Variants in CPA6 observed in about 807,000 individuals in gnomAD.
CPA6 encodes carboxypeptidase B.
A neutral mutation model predicts 63.3 loss-of-function variants in CPA6; 58 were observed. That is an observed-to-expected ratio of 0.92 (90% CI 0.74 to 1.14). The LOEUF (loss-of-function observed/expected upper bound fraction) is 1.14, where lower values mean the gene tolerates loss of function less well. Among genes scored for constraint, CPA6 ranks in the 50% most tolerant of loss-of-function variants. CPA6 has a pLI of 0.00. For synonymous variants in CPA6, 185 were observed against 179.0 expected, an observed-to-expected ratio of 1.03 and a Z score of -0.27; for missense variants, 565 against 526.6, an observed-to-expected ratio of 1.07 and a Z score of -0.71.
chr8:67,704,298 A>G (rs936361386), intron 1 of CPA6, among the ~76,000 whole-genome samples: 4 of 152,208 alleles, frequency 2.6e-5, no homozygotes, highest in East Asian at 3.8e-4. Flanking sequence ...AATACGCGTC[A>G]AGACCTTCAA....
chr8:67,722,137 T>G (rs1196256326), intron 1 of CPA6, among the ~76,000 whole-genome samples: 1 of 152,254 alleles, frequency 6.6e-6, no homozygotes, highest in East Asian at 1.9e-4. Context: ...TGCCTGATTT[T>G]GGAATCATTC....
chr8:67,447,860 C>T (rs1349979464), intron 8 of CPA6, among the ~76,000 whole-genome samples: 1 of 152,192 alleles, frequency 6.6e-6, no homozygotes, highest in Non-Finnish European at 1.5e-5. Flanking sequence ...TCTCAGCTCA[C>T]TGCAACCACT....
At chr8:67,466,578 T>C (rs1010806454) in intron 8 of CPA6, among the ~76,000 whole-genome samples, 3 of 152,194 alleles carry the variant, frequency 2.0e-5, no homozygotes, top group African/African-American at 7.2e-5. Flanking sequence ...CTTTCTAACT[T>C]TTTAAGGTAG....
chr8:67,491,255 T>G (rs1324254065), intron 6 of CPA6, among the ~76,000 whole-genome samples: 2 of 150,264 alleles, frequency 1.3e-5, no homozygotes, highest in African/African-American at 4.9e-5. Flanking sequence ...AAGGGGAGCT[T>G]AATCTATAAA....
intron 1 of CPA6, among the ~76,000 whole-genome samples, chr8:67,711,175 G>A (rs539654752): frequency 6.6e-6 from 1 of 152,314 alleles, no homozygotes; most frequent in South Asian, 2.1e-4. Flanking sequence ...AGAGAGTTCA[G>A]TTAAGCACAA....
At chr8:67,582,722 A>G (rs1384343734) in intron 2 of CPA6, among the ~76,000 whole-genome samples, 1 of 132,980 alleles carries the variant, frequency 7.5e-6, no homozygotes, top group Non-Finnish European at 1.5e-5. Context: ...ATTATAGTTG[A>G]AATACAATGA....
chr8:67,468,483 G>A (rs1480143062), intron 8 of CPA6, among the ~76,000 whole-genome samples: 1 of 151,920 alleles, frequency 6.6e-6, no homozygotes, highest in African/African-American at 2.4e-5. Flanking sequence ...CTACTCGGGA[G>A]GCTGAGGCAG....
intron 1 of CPA6, among the ~76,000 whole-genome samples, chr8:67,721,713 C>A (rs1041901009): frequency 3.3e-5 from 5 of 151,732 alleles, no homozygotes; most frequent in South Asian, 2.1e-4. Flanking sequence ...GGGAAAAAAA[C>A]CCCAGAAATT....
intron 2 of CPA6, among the ~76,000 whole-genome samples, chr8:67,570,869 T>C (rs184279424): frequency 4.3e-4 from 66 of 152,294 alleles, no homozygotes; most frequent in East Asian, 1.9e-3. Context: ...TGAATGTACA[T>C]GTATTAAATT....
intron 1 of CPA6, among the ~76,000 whole-genome samples, chr8:67,687,280 T>C (rs1249716541): frequency 1.3e-5 from 2 of 152,180 alleles, no homozygotes; most frequent in Non-Finnish European, 2.9e-5. Flanking sequence ...ACCAGGATGG[T>C]TGGTCTCCCT....
chr8:67,507,637 C>T (rs1345428747), intron 5 of CPA6, among the ~76,000 whole-genome samples: 4 of 152,084 alleles, frequency 2.6e-5, no homozygotes. Flanking sequence ...GAGATTCAAA[C>T]ATGAAAATAC....
chr8:67,632,055 C>G (rs1284269546), intron 1 of CPA6, among the ~76,000 whole-genome samples: 1 of 152,150 alleles, frequency 6.6e-6, no homozygotes, highest in Non-Finnish European at 1.5e-5. Flanking sequence ...CCCACCAATT[C>G]TGGACACATT....
At chr8:67,736,730 T>G (rs1270054949) in intron 1 of CPA6, among the ~76,000 whole-genome samples, 2 of 152,204 alleles carry the variant, frequency 1.3e-5, no homozygotes, top group Non-Finnish European at 2.9e-5. Flanking sequence ...ATCTATTTCA[T>G]AGCCTAGAGG....
intron 1 of CPA6, among the ~76,000 whole-genome samples, chr8:67,651,925 A>G (rs1285746687): frequency 1.4e-5 from 2 of 148,032 alleles, no homozygotes; most frequent in South Asian, 2.2e-4. Flanking sequence ...CTGGAGTGTG[A>G]TGTTCCCCTA....
intron 2 of CPA6, among the ~76,000 whole-genome samples, chr8:67,597,591 G>A (rs1303720112): frequency 1.3e-5 from 2 of 152,008 alleles, no homozygotes; most frequent in Non-Finnish European, 2.9e-5. Flanking sequence ...CACCATTTCT[G>A]TCTTTAGCTG....
At chr8:67,716,984 C>A (rs1817396361) in intron 1 of CPA6, among the ~76,000 whole-genome samples, 1 of 151,996 alleles carries the variant, frequency 6.6e-6, no homozygotes, top group African/African-American at 2.4e-5. Context: ...ATGTTTGTTT[C>A]TATGTAGTAG....
chr8:67,509,254 T>C (rs1186571894), intron 5 of CPA6, among the ~76,000 whole-genome samples: 1 of 152,194 alleles, frequency 6.6e-6, no homozygotes. Flanking sequence ...TAGTTTTGCA[T>C]TGGTTCACCT....
chr8:67,475,648 G>C (rs370952904), intron 8 of CPA6, among the ~76,000 whole-genome samples: 3 of 152,228 alleles, frequency 2.0e-5, no homozygotes, highest in African/African-American at 7.2e-5. Flanking sequence ...GGAAAAGGGA[G>C]CAAGACCCAG....
At chr8:67,729,279 A>G (rs1397919941) in intron 1 of CPA6, among the ~76,000 whole-genome samples, 1 of 152,228 alleles carries the variant, frequency 6.6e-6, no homozygotes, top group Non-Finnish European at 1.5e-5. Flanking sequence ...ATGATATGTT[A>G]ATGGAAAATC....
Sources: gnomAD v4.1 joint callset for allele counts (sites outside exome capture counted in the v4.1 genomes callset) on GRCh38, gnomAD v4.1.1 for gene constraint, MANE v1.5 for transcripts, NCBI Gene and HGNC (gene_info 2026-07-23, HGNC 2026-07-21) for gene names.